Variants in RAB5A observed in about 807,000 individuals in gnomAD.
RAB5A encodes RAB5A, member RAS oncogene family, also known as ras-related protein Rab-5A.
A neutral mutation model predicts 25.7 loss-of-function variants in RAB5A; 8 were observed. The ratio of observed to expected loss-of-function variants is 0.31; its 90% CI spans 0.18 to 0.56. RAB5A has a LOEUF of 0.56. Ranked by LOEUF, RAB5A falls within the 20% of genes least tolerant of loss-of-function variation. RAB5A has a pLI of 0.91. For synonymous variants in RAB5A, 98 were observed against 89.8 expected (o/e 1.09, Z -0.52); for missense variants, 192 against 259.7 (o/e 0.74, Z 1.79).
intron 2 of RAB5A, among the ~76,000 whole-genome samples, chr3:19,963,364 A>AACC (rs1696615859): frequency 2.5e-4 from 15 of 60,958 alleles, no homozygotes; most frequent in East Asian, 1.8e-3. Flanking sequence ...TTAGAATTTC[A>AACC]CCCCCCCCCC....
chr3:19,957,882 C>G (rs1696527813), intron 2 of RAB5A, among the ~76,000 whole-genome samples: 1 of 151,804 alleles, frequency 6.6e-6, no homozygotes, highest in South Asian at 2.1e-4. Flanking sequence ...TCAACAATAC[C>G]TTAATAAAGC....
chr3:19,955,038 T>C (rs1696479856), intron 2 of RAB5A, among the ~76,000 whole-genome samples: 1 of 152,200 alleles, frequency 6.6e-6, no homozygotes, highest in South Asian at 2.1e-4. Flanking sequence ...GTTGTCTTCC[T>C]TCTTTACTTG....
chr3:19,969,532 G>A (rs530151985), intron 2 of RAB5A, among the ~76,000 whole-genome samples: 1 of 152,174 alleles, frequency 6.6e-6, no homozygotes, highest in South Asian at 2.1e-4. Flanking sequence ...TAATCACTTA[G>A]CATCCATTGT....
intron 2 of RAB5A, among the ~76,000 whole-genome samples, chr3:19,973,217 G>A (rs1292098613): frequency 6.6e-6 from 1 of 152,062 alleles, no homozygotes; most frequent in Non-Finnish European, 1.5e-5. Context: ...TGATATATGG[G>A]GAGGTCCTGG....
At chr3:19,960,733 C>T (rs76924092) in intron 2 of RAB5A, among the ~76,000 whole-genome samples, 1 of 152,304 alleles carries the variant, frequency 6.6e-6, no homozygotes, top group African/African-American at 2.4e-5. Context: ...TAAGAATGCT[C>T]TACAAATCAG....
chr3:19,954,592 C>T (rs927228666), intron 2 of RAB5A, among the ~76,000 whole-genome samples: 1 of 152,042 alleles, frequency 6.6e-6, no homozygotes, highest in African/African-American at 2.4e-5. Context: ...CTGAGGTGGG[C>T]AGATCGCTTG....
intron 2 of RAB5A, among the ~76,000 whole-genome samples, chr3:19,971,579 C>G (rs1319639713): frequency 6.6e-6 from 1 of 152,104 alleles, no homozygotes; most frequent in Non-Finnish European, 1.5e-5. Flanking sequence ...TCAAGTGATT[C>G]TCCTGCCTCA....
chr3:19,972,403 G>T (rs1238990963), intron 2 of RAB5A, among the ~76,000 whole-genome samples: 1 of 152,182 alleles, frequency 6.6e-6, no homozygotes, highest in Non-Finnish European at 1.5e-5. Flanking sequence ...ATTATAAAAG[G>T]TGTGAAACGT....
At chr3:19,949,466 G>T (rs143176388) in intron 1 of RAB5A, among the ~76,000 whole-genome samples, 45 of 152,224 alleles carry the variant, frequency 3.0e-4, no homozygotes, top group African/African-American at 1.1e-3. Flanking sequence ...CCCCCAAAGT[G>T]TTGGGATTTA....
intron 5 of RAB5A, among the ~76,000 whole-genome samples, chr3:19,979,214 A>G (rs935845609): frequency 6.6e-6 from 1 of 151,402 alleles, no homozygotes; most frequent in African/African-American, 2.4e-5. Flanking sequence ...TGATCTCGTG[A>G]TCTGCCCACC....
intron 2 of RAB5A, among the ~76,000 whole-genome samples, chr3:19,967,918 T>C (rs1171611699): frequency 2.0e-5 from 3 of 152,220 alleles, no homozygotes; most frequent in Admixed American, 6.5e-5. Context: ...TCAGTTTTTA[T>C]TTTTCCTGTT....
chr3:19,984,154 T>G lies in RAB5A; in HGVS notation c.*331T>G. On this transcript the variant is annotated 3_prime_UTR_variant, in exon 6 of 6. Transcript: ENST00000273047. ...AGTTAACCAGCCCATTTCTCCACAC[T>G]GGTACAGTAGTCACCTGTGAAAAAA... is the stretch of plus-strand genomic sequence containing the variant. The G allele has an allele frequency of 2.5e-6, 1 of 403,878 alleles. No individual in the cohort carries two copies. Among genetic ancestry groups the G allele is most frequent in the Non-Finnish European group, 4.6e-6 (1 of 218,756 alleles). The allele number at this position is 403,878 out of a possible 1,614,324, so 25.0% of individuals were successfully genotyped here.
rs9859000 is a variant in RAB5A at position 19,949,866 on chromosome 3, A to G, written c.-93-940A>G. The stretch of plus-strand genomic sequence containing the variant: ...TCAGGATCATCCTGGGCAACATAGC[A>G]GTTAAGTGTCTCTACCAAAAAATTA... On this transcript the variant is annotated intron_variant, in intron 1 of 5. Coordinates refer to ENST00000273047, the MANE Select transcript of RAB5A (RefSeq NM_004162.5). Among the ~76,000 whole-genome samples the G allele has an allele frequency of 5.9e-3, 894 of 151,846 alleles. 11 individuals are homozygous for G. Among genetic ancestry groups the G allele is most frequent in the African/African-American group, 0.021 (856 of 41,412 alleles).
At chr3:19,978,465 G>A in intron 5 of RAB5A, 62 bp downstream of exon 5, 1 of 1,293,328 alleles carries the variant, frequency 7.7e-7, no homozygotes, top group East Asian at 2.3e-5. Context: ...AGCATATTTG[G>A]TTTGACTGTC....
At chr3:19,974,315 G>A (rs1696791848) in intron 2 of RAB5A, among the ~76,000 whole-genome samples, 1 of 151,804 alleles carries the variant, frequency 6.6e-6, no homozygotes, top group South Asian at 2.1e-4. Flanking sequence ...CCACCATGTC[G>A]AGCTAATTTT....
chr3:19,982,292 G>C (rs548907766), intron 5 of RAB5A, among the ~76,000 whole-genome samples: 1 of 152,136 alleles, frequency 6.6e-6, no homozygotes, highest in Non-Finnish European at 1.5e-5. Context: ...TCACAACGAA[G>C]TGTTGAGTAT....
intron 1 of RAB5A, among the ~76,000 whole-genome samples, chr3:19,949,438 C>CA (rs1486379319): frequency 6.6e-6 from 1 of 152,134 alleles, no homozygotes; most frequent in African/African-American, 2.4e-5. Flanking sequence ...AGGCTGGTCT[C>CA]AGAGTCCTCC....
intron 2 of RAB5A, among the ~76,000 whole-genome samples, chr3:19,963,251 T>C (rs150000817): frequency 4.6e-5 from 7 of 152,250 alleles, no homozygotes; most frequent in Admixed American, 4.6e-4. Flanking sequence ...TTTTAGTATC[T>C]GGCAATCTTC....
chr3:19,966,626 A>G (rs1257698416), intron 2 of RAB5A, among the ~76,000 whole-genome samples: 1 of 152,184 alleles, frequency 6.6e-6, no homozygotes, highest in Non-Finnish European at 1.5e-5. Context: ...AGTTTTCCAT[A>G]CCAGCTGCAA....
Sources: allele counts gnomAD v4.1 joint callset (sites outside exome capture counted in the v4.1 genomes callset), GRCh38; gene constraint gnomAD v4.1.1; transcripts MANE v1.5; gene names NCBI Gene and HGNC (gene_info 2026-07-23, HGNC 2026-07-21).